The following COL21A1 variants were observed in gnomAD, a reference collection of about 807,000 sequenced individuals.
The protein encoded by COL21A1 is collagen type XXI alpha 1 chain.
A neutral mutation model predicts 137.9 loss-of-function variants in COL21A1; 149 were observed. The observed-to-expected ratio is 1.08, with a 90% CI of 0.95 to 1.24. COL21A1 has a LOEUF of 1.24. Ranked by LOEUF, COL21A1 falls within the 50% of genes most tolerant of loss-of-function variation. COL21A1 has a pLI of 0.00. For missense variants in COL21A1, 1,167 were observed against 1,158.4 expected (o/e 1.01, Z -0.11); for synonymous variants, 456 against 391.5 (o/e 1.16, Z -1.95).
intron 1 of COL21A1, among the ~76,000 whole-genome samples, chr6:56,214,712 T>G (rs1363619769): frequency 6.6e-6 from 1 of 152,062 alleles, no homozygotes; most frequent in Non-Finnish European, 1.5e-5. Flanking sequence ...CATATGGTTG[T>G]TAGGCAAAAC....
chr6:56,130,210 TAA>T (rs869124897), intron 12 of COL21A1, among the ~76,000 whole-genome samples: 199 of 32,808 alleles, frequency 6.1e-3, no homozygotes, highest in African/African-American at 0.016. Context: ...TATATATATA[TAA>T]AATTTCAAAT....
intron 1 of COL21A1, among the ~76,000 whole-genome samples, chr6:56,262,134 AAT>A (rs1461375604): frequency 3.9e-5 from 6 of 152,292 alleles, no homozygotes; most frequent in Admixed American, 3.3e-4. Context: ...TAGGCTTTCA[AAT>A]ATGTTTCCTT....
intron 17 of COL21A1, among the ~76,000 whole-genome samples, chr6:56,088,279 G>A (rs1192075845): frequency 2.7e-4 from 41 of 152,082 alleles, no homozygotes; most frequent in Admixed American, 2.0e-3. Context: ...CAGGAGAATT[G>A]CTTGACCCCG....
At chr6:56,161,638 G>A (rs12197715) in intron 9 of COL21A1, among the ~76,000 whole-genome samples, 10,957 of 152,066 alleles carry the variant, frequency 0.072, 439 homozygotes, top group Middle Eastern at 0.12. Flanking sequence ...TGATTCCAAC[G>A]GATTCATTAA....
rs144495966 is a variant in COL21A1, at chr6:56,267,451, A to T, written c.-38-84795T>A. On this transcript the variant is annotated intron_variant, in intron 1 of 28. Transcript: ENST00000370819. ...AGATGGAAAAAACCTGGGTCCCCAA[A>T]CACAGTTTAGAAGAGAGCCTCCTGG... is the stretch of plus-strand genomic sequence containing the variant. Among the ~76,000 whole-genome samples the T allele has an allele frequency of 3.9e-5, 6 of 152,308 alleles. No individual in the cohort carries two copies. In the East Asian group the frequency reaches 1.2e-3, roughly 29 times the overall value.
intron 1 of COL21A1, among the ~76,000 whole-genome samples, chr6:56,345,663 C>G (rs1316662472): frequency 6.6e-6 from 1 of 152,186 alleles, no homozygotes; most frequent in African/African-American, 2.4e-5. Context: ...TTTCTTCCCC[C>G]AAAATGCCAT....
At chr6:56,328,589 A>G (rs1317207014) in intron 1 of COL21A1, among the ~76,000 whole-genome samples, 1 of 152,152 alleles carries the variant, frequency 6.6e-6, no homozygotes, top group East Asian at 1.9e-4. Context: ...TCCAGGAAAG[A>G]CCTGAATAAA....
At chr6:56,275,625 A>C (rs1763625579) in intron 1 of COL21A1, among the ~76,000 whole-genome samples, 1 of 152,222 alleles carries the variant, frequency 6.6e-6, no homozygotes, top group Non-Finnish European at 1.5e-5. Flanking sequence ...AAGATGCTCA[A>C]CATCACTAAT....
intron 1 of COL21A1, among the ~76,000 whole-genome samples, chr6:56,305,317 A>T (rs889049367): frequency 2.6e-5 from 4 of 152,048 alleles, no homozygotes; most frequent in African/African-American, 9.7e-5. Flanking sequence ...TGATCTGTCT[A>T]ATGTTGACAG....
intron 28 of COL21A1, 46 bp from the exon 29 acceptor site, chr6:56,059,288 C>T (rs762887141): frequency 1.5e-6 from 2 of 1,317,470 alleles, no homozygotes; most frequent in South Asian, 1.4e-5. Context: ...AAATCACTGC[C>T]TTCTAGATTG....
At chr6:56,177,124 C>G (rs913726422) in intron 3 of COL21A1, among the ~76,000 whole-genome samples, 4 of 151,924 alleles carry the variant, frequency 2.6e-5, no homozygotes, top group Admixed American at 1.3e-4. Context: ...AGTAGTAGTA[C>G]TAGCAGTAGT....
intron 10 of COL21A1, among the ~76,000 whole-genome samples, chr6:56,145,728 G>A (rs1273786719): frequency 1.3e-5 from 2 of 151,912 alleles, no homozygotes; most frequent in East Asian, 1.9e-4. Flanking sequence ...GGTTAATACT[G>A]TTCAACATGA....
At chr6:56,230,916 G>A (rs576774209) in intron 1 of COL21A1, 24 of 151,684 alleles carry the variant, frequency 1.6e-4, no homozygotes, top group African/African-American at 5.8e-4. Flanking sequence ...TTAAATATAC[G>A]AGCTCCAATC....
At chr6:56,245,701 A>G (rs1237439630) in intron 1 of COL21A1, among the ~76,000 whole-genome samples, 1 of 152,216 alleles carries the variant, frequency 6.6e-6, no homozygotes, top group Admixed American at 6.5e-5. Flanking sequence ...GCAACTATCC[A>G]AGAGCACAGA....
chr6:56,326,478 A>T (rs1018226697), intron 1 of COL21A1, among the ~76,000 whole-genome samples: 1 of 151,882 alleles, frequency 6.6e-6, no homozygotes, highest in Non-Finnish European at 1.5e-5. Flanking sequence ...TTTCTGTCTT[A>T]CCTAAAATTA....
At chr6:56,347,537 A>AG (rs1765623244) in intron 1 of COL21A1, among the ~76,000 whole-genome samples, 2 of 150,926 alleles carry the variant, frequency 1.3e-5, no homozygotes, top group South Asian at 2.1e-4. Context: ...AAAAAAAAAA[A>AG]GCAAAGCAGT....
chr6:56,135,904 T>C (rs1010309127), intron 12 of COL21A1, among the ~76,000 whole-genome samples: 1 of 152,204 alleles, frequency 6.6e-6, no homozygotes, highest in Non-Finnish European at 1.5e-5. Context: ...CTTTGTGTTA[T>C]GTCCTTTATC....
At chr6:56,146,427 G>C (rs900201119) in intron 10 of COL21A1, among the ~76,000 whole-genome samples, 1 of 152,058 alleles carries the variant, frequency 6.6e-6, no homozygotes. Flanking sequence ...GTCATTCTAT[G>C]TATAACTAAT....
At chr6:56,183,554 T>C (rs1192521521) in intron 1 of COL21A1, among the ~76,000 whole-genome samples, 1 of 152,140 alleles carries the variant, frequency 6.6e-6, no homozygotes, top group Non-Finnish European at 1.5e-5. Flanking sequence ...ACGGAGTAGA[T>C]AAGTAGTCCA....
Sources: gnomAD v4.1 joint callset for allele counts (sites outside exome capture counted in the v4.1 genomes callset) on GRCh38, gnomAD v4.1.1 for gene constraint, MANE v1.5 for transcripts, NCBI Gene and HGNC (gene_info 2026-07-23, HGNC 2026-07-21) for gene names.